RAI14: variants seen among roughly 807,000 people sequenced by gnomAD.
RAI14 encodes ankycorbin.
Under a neutral mutation model 115.4 loss-of-function variants are expected in RAI14, and 45 were observed. That is an observed-to-expected ratio of 0.39 (90% CI 0.31 to 0.50). The LOEUF (loss-of-function observed/expected upper bound fraction) is 0.50, where lower values mean the gene tolerates loss of function less well. Among genes scored for constraint, RAI14 ranks in the 20% least tolerant of loss-of-function variants. The probability of loss-of-function intolerance (pLI) is 0.85; values close to 1 mark genes in which losing one functional copy is unlikely to be tolerated. For synonymous variants in RAI14, 371 were observed against 415.4 expected (o/e 0.89, Z 1.30); for missense variants, 939 against 1,131.2 (o/e 0.83, Z 2.44).
At chr5:34,662,157 C>T (rs1177064920) in intron 1 of RAI14, among the ~76,000 whole-genome samples, 1 of 152,118 alleles carries the variant, frequency 6.6e-6, no homozygotes, top group African/African-American at 2.4e-5. Flanking sequence ...CATCATTGCC[C>T]TGACTTTGTG....
intron 2 of RAI14, among the ~76,000 whole-genome samples, chr5:34,721,911 G>A (rs1447091355): frequency 2.0e-5 from 3 of 152,114 alleles, no homozygotes; most frequent in Admixed American, 6.6e-5. Context: ...GTTTCACCAT[G>A]TTGGCCAGGC....
chr5:34,701,029 C>T (rs550781205), intron 2 of RAI14, among the ~76,000 whole-genome samples: 8 of 152,292 alleles, frequency 5.3e-5, no homozygotes, highest in South Asian at 2.1e-4. Flanking sequence ...GACAGTCCTT[C>T]GGTCCTGGTT....
rs761118730 is a variant in RAI14, at chr5:34,665,493, CT to C, written c.-49+9033del. Among the ~76,000 whole-genome samples, 744 of 134,574 alleles carry C rather than the reference CT, an allele frequency of 5.5e-3. 4 individuals are homozygous for C. The highest frequency in any genetic ancestry group is 0.016 in the African/African-American group (580 of 36,914). 88.3% of individuals were successfully genotyped at this position (134,574 alleles called of 152,430 possible). On this transcript the variant is annotated intron_variant, in intron 1 of 17. Transcript: ENST00000265109. ...AGTAAAGTGTTTTCCATTTTTTTTT[CT>C]TTTTTTTTTTTTTTCTCTAAGAGGA... is the stretch of plus-strand genomic sequence containing the variant.
At chr5:34,768,803 A>T (rs1291542265) in intron 3 of RAI14, among the ~76,000 whole-genome samples, 1 of 152,194 alleles carries the variant, frequency 6.6e-6, no homozygotes, top group Non-Finnish European at 1.5e-5. Context: ...AGCCTGGCCA[A>T]CATGGTGAAA....
chr5:34,720,940 C>T (rs969517502), intron 2 of RAI14, among the ~76,000 whole-genome samples: 4 of 152,072 alleles, frequency 2.6e-5, no homozygotes, highest in Admixed American at 2.0e-4. Flanking sequence ...ATCCTCCGCG[C>T]TCAGCCTCCG....
At position 34,831,043 on chromosome 5, in the gene RAI14, C is replaced by A; in HGVS notation, c.*278C>A. The A allele has an allele frequency of 2.3e-6, 1 of 437,698 alleles. No individual in the cohort carries two copies. The highest frequency in any genetic ancestry group is 3.7e-6 in the Non-Finnish European group (1 of 268,314). 27.1% of individuals were successfully genotyped at this position (437,698 alleles called of 1,614,324 possible). ...CCCAGAGGTCTGGTCCTGATGCTGG[C>A]AGGGGGGCCCCCTCCTCCATCCCTG... On this transcript the variant is annotated 3_prime_UTR_variant, in exon 18 of 18. Transcript: ENST00000265109.
intron 2 of RAI14, among the ~76,000 whole-genome samples, chr5:34,742,979 A>G (rs1327946784): frequency 1.3e-5 from 2 of 152,146 alleles, no homozygotes; most frequent in Non-Finnish European, 2.9e-5. Context: ...TTTAGTGTCT[A>G]TACCCAAAGC....
intron 2 of RAI14, among the ~76,000 whole-genome samples, chr5:34,720,495 C>A (rs968341446): frequency 6.7e-6 from 1 of 149,384 alleles, no homozygotes; most frequent in East Asian, 2.0e-4. Flanking sequence ...ACTGGAAGCT[C>A]CACCTCCCGG....
chr5:34,659,498 C>A (rs1742532283), intron 1 of RAI14, among the ~76,000 whole-genome samples: 1 of 152,204 alleles, frequency 6.6e-6, no homozygotes, highest in African/African-American at 2.4e-5. Flanking sequence ...GAACTCTCAG[C>A]CTCAAGTGAG....
intron 2 of RAI14, among the ~76,000 whole-genome samples, chr5:34,690,657 G>GC (rs1738471217): frequency 6.6e-6 from 1 of 152,224 alleles, no homozygotes; most frequent in African/African-American, 2.4e-5. Context: ...TAGGGAATGA[G>GC]CCTGACTCTG....
intron 3 of RAI14, among the ~76,000 whole-genome samples, chr5:34,779,464 C>T (rs1171445437): frequency 2.6e-5 from 4 of 152,164 alleles, no homozygotes; most frequent in Admixed American, 6.5e-5. Context: ...GATTGTATAT[C>T]TAGAAAACCC....
At chr5:34,728,554 A>ACATGCACAT in intron 2 of RAI14, 1 of 151,874 alleles carries the variant, frequency 6.6e-6, no homozygotes, top group Non-Finnish European at 1.5e-5. Context: ...TATAAAGGGG[A>ACATGCACAT]GCTCCCCTGC....
chr5:34,692,403 T>C (rs11748277), intron 2 of RAI14, among the ~76,000 whole-genome samples: 68,169 of 151,762 alleles, frequency 0.45, 17,531 homozygotes, highest in South Asian at 0.64. Context: ...TCACCACACA[T>C]ACATGCACAT....
At chr5:34,819,544 T>C (rs1175521763) in intron 13 of RAI14, among the ~76,000 whole-genome samples, 1 of 152,212 alleles carries the variant, frequency 6.6e-6, no homozygotes, top group African/African-American at 2.4e-5. Flanking sequence ...ATATTGTCTT[T>C]ATGATCATAG....
intron 2 of RAI14, among the ~76,000 whole-genome samples, chr5:34,712,218 G>T (rs1383522245): frequency 6.6e-6 from 1 of 152,086 alleles, no homozygotes; most frequent in African/African-American, 2.4e-5. Context: ...TATGAGTTTC[G>T]TTTAAGTTAT....
intron 3 of RAI14, among the ~76,000 whole-genome samples, chr5:34,780,697 G>A (rs1445387846): frequency 6.6e-6 from 1 of 152,122 alleles, no homozygotes; most frequent in Non-Finnish European, 1.5e-5. Flanking sequence ...CAGTTAGAAT[G>A]GCAATCATTA....
Position 34,826,978 on chromosome 5 carries a change from A to G in RAI14, c.2799+499A>G, listed in dbSNP as rs147925318. ...ATCACCACAAATTTGGTTTAAAACA[A>G]CATGAGTGTATTATTTTACAGTTGC... On this transcript the variant is annotated intron_variant, in intron 16 of 17. Transcript: ENST00000265109. Among the ~76,000 whole-genome samples the G allele has an allele frequency of 6.0e-4, 92 of 152,342 alleles. 1 individual carries two copies. The highest frequency in any genetic ancestry group is 1.7e-3 in the Admixed American group (26 of 15,302).
chr5:34,658,766 C>A (rs1454922098), intron 1 of RAI14, among the ~76,000 whole-genome samples: 1 of 152,042 alleles, frequency 6.6e-6, no homozygotes, highest in African/African-American at 2.4e-5. Context: ...CCACTGCACT[C>A]CAACCTGGCG....
chr5:34,772,732 C>T (rs969364152), intron 3 of RAI14, among the ~76,000 whole-genome samples: 1 of 152,144 alleles, frequency 6.6e-6, no homozygotes, highest in Non-Finnish European at 1.5e-5. Context: ...GTTGGTCCCT[C>T]CATCATTCAT....
Sources: gnomAD v4.1 joint callset for allele counts (sites outside exome capture counted in the v4.1 genomes callset) on GRCh38, gnomAD v4.1.1 for gene constraint, MANE v1.5 for transcripts, NCBI Gene and HGNC (gene_info 2026-07-23, HGNC 2026-07-21) for gene names.